Variants in STAG1 observed in about 807,000 individuals in gnomAD.
STAG1 encodes STAG1 cohesin complex component.
In STAG1, 26 loss-of-function variants were observed where a neutral mutation model predicts 170.9. The observed-to-expected ratio is 0.15, with a 90% CI of 0.11 to 0.21. The LOEUF (loss-of-function observed/expected upper bound fraction) is 0.21, where lower values mean the gene tolerates loss of function less well. STAG1 is among the 10% of genes least tolerant of loss of function. STAG1 has a pLI of 1.00. For synonymous variants in STAG1, 514 were observed against 497.7 expected, an observed-to-expected ratio of 1.03 and a Z score of -0.44; for missense variants, 964 against 1,509.5, an observed-to-expected ratio of 0.64 and a Z score of 5.99.
At chr3:136,528,948 CA>C (rs1039800698) in intron 6 of STAG1, among the ~76,000 whole-genome samples, 3 of 150,508 alleles carry the variant, frequency 2.0e-5, no homozygotes, top group African/African-American at 7.3e-5. Flanking sequence ...AAAAACAAAA[CA>C]AAACAAAAAA....
At position 136,736,353 on chromosome 3, in the gene STAG1, G is replaced by A. The variant is rs528352349; in HGVS notation, c.-84+15842C>T. The A allele has an allele frequency of 5.3e-5, 37 of 692,240 alleles. No individual in the cohort carries two copies. The Admixed American group carries it at 5.9e-4, about 11-fold the overall frequency. 42.9% of individuals were successfully genotyped at this position (692,240 alleles called of 1,614,324 possible). A position where few individuals can be genotyped will look rare whatever the true frequency, so the allele number is the denominator to read the frequency against. On this transcript the variant is annotated intron_variant, in intron 1 of 33. Coordinates refer to ENST00000383202, the MANE Select transcript of STAG1 (RefSeq NM_005862.3). ...AATGCACAAAAGAATTACTCTGATC[G>A]ATATTAAATTGTATTGAAAAAATGG... is the stretch of plus-strand genomic sequence containing the variant.
At chr3:136,530,774 T>G (rs1031073809) in intron 6 of STAG1, among the ~76,000 whole-genome samples, 9 of 152,076 alleles carry the variant, frequency 5.9e-5, no homozygotes, top group Non-Finnish European at 1.2e-4. Context: ...TGCAGTAGGA[T>G]GAAAGTTTAT....
At chr3:136,505,850 G>A (rs755614621) in intron 7 of STAG1, among the ~76,000 whole-genome samples, 5 of 152,216 alleles carry the variant, frequency 3.3e-5, no homozygotes, top group Non-Finnish European at 7.3e-5. Context: ...TGAAGGAATG[G>A]TCACATGATT....
chr3:136,477,421 A>G lies in STAG1; in HGVS notation c.903-9T>C, dbSNP rs1559828645. The G allele has an allele frequency of 1.3e-6, 2 of 1,589,764 alleles. No homozygotes were observed. The highest frequency in any genetic ancestry group is 1.7e-6 in the Non-Finnish European group (2 of 1,172,024). ...TCTCAGCAATAGCATCACTAGAGAGAGAAAAAAAAGACAATCTCAAATTAA... is the reference window on the plus strand; with the variant it reads ...TCTCAGCAATAGCATCACTAGAGAGGGAAAAAAAAGACAATCTCAAATTAA... On this transcript the variant is annotated splice_polypyrimidine_tract_variant and intron_variant, in intron 9 of 33. Coordinates refer to ENST00000383202, the MANE Select transcript of STAG1 (RefSeq NM_005862.3).
chr3:136,478,538 A>G (rs1357451775), intron 9 of STAG1, among the ~76,000 whole-genome samples: 1 of 152,216 alleles, frequency 6.6e-6, no homozygotes, highest in Non-Finnish European at 1.5e-5. Flanking sequence ...CACAAATGTT[A>G]AAATTTTAAG....
chr3:136,471,366 C>G (rs2089623505), intron 12 of STAG1, among the ~76,000 whole-genome samples: 1 of 151,920 alleles, frequency 6.6e-6, no homozygotes, highest in African/African-American at 2.4e-5. Context: ...TTTTGAGGCA[C>G]TTGACAAGTA....
intron 1 of STAG1, among the ~76,000 whole-genome samples, chr3:136,635,892 T>C (rs1940531242): frequency 6.6e-6 from 1 of 152,188 alleles, no homozygotes; most frequent in Non-Finnish European, 1.5e-5. Context: ...AATTAAATTC[T>C]TAGGTGTAAA....
At chr3:136,582,490 T>C (rs1181910302) in intron 4 of STAG1, among the ~76,000 whole-genome samples, 1 of 152,170 alleles carries the variant, frequency 6.6e-6, no homozygotes, top group Non-Finnish European at 1.5e-5. Flanking sequence ...AGGCTTTAAA[T>C]TTGGATCATA....
At chr3:136,699,516 A>G (rs1942985736) in intron 1 of STAG1, among the ~76,000 whole-genome samples, 1 of 151,518 alleles carries the variant, frequency 6.6e-6, no homozygotes, top group South Asian at 2.1e-4. Flanking sequence ...TCAGATTTAC[A>G]AGTAGCTGGG....
At chr3:136,570,304 A>C (rs964729692) in intron 4 of STAG1, among the ~76,000 whole-genome samples, 2 of 152,280 alleles carry the variant, frequency 1.3e-5, no homozygotes, top group Non-Finnish European at 2.9e-5. Context: ...AAATGATATC[A>C]TCTTTTTTTA....
intron 22 of STAG1, 39 bp from the exon 23 acceptor site, chr3:136,377,791 G>A (rs1388665796): frequency 6.5e-7 from 1 of 1,544,820 alleles, no homozygotes; most frequent in African/African-American, 1.4e-5. Context: ...TGAATTACAG[G>A]ATCACAGAAA....
At chr3:136,618,164 C>A (rs533087773) in intron 3 of STAG1, among the ~76,000 whole-genome samples, 1 of 151,986 alleles carries the variant, frequency 6.6e-6, no homozygotes, top group South Asian at 2.2e-4. Context: ...ATTCCAATCA[C>A]CTGCTCCACC....
At chr3:136,611,554 G>T (rs1460989935) in intron 3 of STAG1, among the ~76,000 whole-genome samples, 1 of 151,364 alleles carries the variant, frequency 6.6e-6, no homozygotes, top group African/African-American at 2.4e-5. Flanking sequence ...GGAGTACAGT[G>T]GCACGATCAC....
chr3:136,550,854 G>A (rs1044242658), intron 5 of STAG1, among the ~76,000 whole-genome samples: 6 of 152,022 alleles, frequency 3.9e-5, no homozygotes, highest in Admixed American at 1.3e-4. Context: ...AATGTCTTTC[G>A]ATTTGTCTGA....
In STAG1 at chr3:136,672,887, T is replaced by G. The variant is rs1159835407; in HGVS notation, c.-83-41906A>C. ...TTGGACAGAAGAAAAATTACTATTA[T>G]GCAGCACATACTGACATGGAATATT... On this transcript the variant is annotated intron_variant, in intron 1 of 33. Transcript: ENST00000383202. 2.6e-5 allele frequency among the ~76,000 whole-genome samples: 4 copies of G among 152,294 alleles called. No homozygotes were observed. The East Asian group carries it at 7.7e-4, about 29-fold the overall frequency.
chr3:136,610,122 C>T (rs1184200695), intron 3 of STAG1, among the ~76,000 whole-genome samples: 1 of 152,042 alleles, frequency 6.6e-6, no homozygotes, highest in African/African-American at 2.4e-5. Context: ...GCAACCTCCA[C>T]ACCTCCCAGG....
At chr3:136,382,022 A>G (rs747904617) in intron 22 of STAG1, among the ~76,000 whole-genome samples, 3 of 152,222 alleles carry the variant, frequency 2.0e-5, no homozygotes, top group Admixed American at 6.5e-5. Flanking sequence ...TAGTTACTCA[A>G]TGAAATGTTG....
At chr3:136,551,614 CTCAG>C (rs1235472023) in intron 5 of STAG1, among the ~76,000 whole-genome samples, 2 of 150,196 alleles carry the variant, frequency 1.3e-5, no homozygotes, top group African/African-American at 4.9e-5. Context: ...TGTGTCTATT[CTCAG>C]TATTTTTTTT....
intron 9 of STAG1, among the ~76,000 whole-genome samples, chr3:136,488,494 G>T (rs2090060334): frequency 6.6e-6 from 1 of 152,170 alleles, no homozygotes; most frequent in Admixed American, 6.5e-5. Flanking sequence ...AAAATTATTA[G>T]TTTCCTTATT....
Sources: allele counts gnomAD v4.1 joint callset (sites outside exome capture counted in the v4.1 genomes callset), GRCh38; gene constraint gnomAD v4.1.1; transcripts MANE v1.5; gene names NCBI Gene and HGNC (gene_info 2026-07-23, HGNC 2026-07-21).